AXIN1: variants seen among roughly 807,000 people sequenced by gnomAD.
AXIN1 encodes axin-1.
A neutral mutation model predicts 76.4 loss-of-function variants in AXIN1; 30 were observed. The ratio of observed to expected loss-of-function variants is 0.39; its 90% CI spans 0.29 to 0.53. The LOEUF is 0.53. AXIN1 is among the 20% of genes least tolerant of loss of function. AXIN1 has a pLI of 0.66. For missense variants in AXIN1, 1,140 were observed against 1,198.8 expected (o/e 0.95, Z 0.72); for synonymous variants, 545 against 501.4 (o/e 1.09, Z -1.16).
chr16:339,190 T>G, intron 2 of AXIN1, among the ~76,000 whole-genome samples: 1 of 104,496 alleles, frequency 9.6e-6, no homozygotes. Context: ...CCAGCCAGCC[T>G]GGTCTCAAAA....
intron 6 of AXIN1, 114 bp from the exon 7 acceptor site, chr16:297,340 G>A (rs888545980): frequency 5.2e-5 from 72 of 1,392,942 alleles, no homozygotes; most frequent in South Asian, 6.1e-5. Context: ...TGCAGCCGCC[G>A]CCCGCTGTCC....
Position 293,141 on chromosome 16 carries a change from T to C in AXIN1, c.2186+347A>G. On this transcript the variant is annotated intron_variant, in intron 8 of 10. Transcript: ENST00000262320. The surrounding 1 kb of genome is among the most constrained non-coding windows in gnomAD (Gnocchi z 4.6). ...AGGACCTCTGCCCTAAAGCCCAGGCTGCCCAGCAGCGAGCAGCCTCTGGCT... is the reference window on the plus strand; with the variant it reads ...AGGACCTCTGCCCTAAAGCCCAGGCCGCCCAGCAGCGAGCAGCCTCTGGCT... 5.1e-6 allele frequency: 2 copies of C among 388,912 alleles called. No homozygotes were observed. The highest frequency in any genetic ancestry group is 4.7e-6 in the Non-Finnish European group (1 of 210,674). The allele number at this position is 388,912 out of a possible 1,614,324, so 24.1% of individuals were successfully genotyped here.
In AXIN1 at chr16:298,375, C is replaced by A; in HGVS notation, c.1255-124G>T. On this transcript the variant is annotated intron_variant, in intron 5 of 10. Transcript: ENST00000262320. ...CGTCCCAGCCCAGGGTGGCCGGGGG[C>A]CCCTCGCCACCGGTCCTGTCCCTGA... 2.5e-6 allele frequency: 3 copies of A among 1,203,774 alleles called. 1 individual carries two copies. The highest frequency in any genetic ancestry group is 5.1e-5 in the East Asian group (2 of 39,442). 74.6% of individuals were successfully genotyped at this position (1,203,774 alleles called of 1,614,324 possible). A position where few individuals can be genotyped will look rare whatever the true frequency, so the allele number is the denominator to read the frequency against.
intron 4 of AXIN1, among the ~76,000 whole-genome samples, chr16:308,991 T>G (rs1177489965): frequency 6.6e-6 from 1 of 152,140 alleles, no homozygotes; most frequent in African/African-American, 2.4e-5. Flanking sequence ...AATGCCTACT[T>G]CCCTGCACAG....
At chr16:296,189 C>T (rs779528113) in intron 7 of AXIN1, among the ~76,000 whole-genome samples, 9 of 152,262 alleles carry the variant, frequency 5.9e-5, no homozygotes, top group African/African-American at 1.2e-4. Context: ...CAGTCAGCAC[C>T]GATGGGGACC....
rs1216224497 is a variant in AXIN1 at position 341,286 on chromosome 16, C to T, written c.878+4862G>A. 3.3e-5 allele frequency among the ~76,000 whole-genome samples: 5 copies of T among 152,380 alleles called. No homozygotes were observed. In the South Asian group the frequency reaches 8.3e-4, roughly 25 times the overall value. On this transcript the variant is annotated intron_variant, in intron 2 of 10. Transcript: ENST00000262320. ...TGGAGGGAGAGGCGCGAGCGGGAACCGCGGCTGCATGCGCTTGCAGGCCAG... is the reference window on the plus strand; with the variant it reads ...TGGAGGGAGAGGCGCGAGCGGGAACTGCGGCTGCATGCGCTTGCAGGCCAG...
chr16:314,395 G>C, intron 3 of AXIN1, 148 bp downstream of exon 3: 1 of 1,261,546 alleles, frequency 7.9e-7, no homozygotes, highest in African/African-American at 1.5e-5. Flanking sequence ...GCGCTCTGCA[G>C]CAGGGTGGGA....
At chr16:319,196 G>A (rs1017961763) in intron 2 of AXIN1, among the ~76,000 whole-genome samples, 6 of 152,132 alleles carry the variant, frequency 3.9e-5, no homozygotes, top group African/African-American at 7.2e-5. Context: ...TTTAGGGTCC[G>A]GTGTGGTGGC....
chr16:320,672 T>C (rs986001836), intron 2 of AXIN1, among the ~76,000 whole-genome samples: 9 of 149,884 alleles, frequency 6.0e-5, no homozygotes, highest in Non-Finnish European at 1.3e-4. Flanking sequence ...TATATGTAAA[T>C]GTATATATGT....
chr16:333,394 G>A lies in AXIN1; in HGVS notation c.878+12754C>T, dbSNP rs1165227109. 7.3e-5 allele frequency among the ~76,000 whole-genome samples: 11 copies of A among 150,984 alleles called. 1 individual carries two copies. The highest frequency in any genetic ancestry group is 1.3e-4 in the Admixed American group (2 of 15,170). On this transcript the variant is annotated intron_variant, in intron 2 of 10. Coordinates refer to ENST00000262320, the MANE Select transcript of AXIN1 (RefSeq NM_003502.4). ...AGTCCCAGCTACTCTGGAGGCTGAG[G>A]CAGGAGGATCGCTCAAGCCTTTTTT...
chr16:330,659 T>C (rs2053674975), intron 2 of AXIN1, among the ~76,000 whole-genome samples: 1 of 152,216 alleles, frequency 6.6e-6, no homozygotes, highest in South Asian at 2.1e-4. Flanking sequence ...CATCACATTT[T>C]TAGGTTCACA....
chr16:296,268 C>G (rs995274498), intron 7 of AXIN1, among the ~76,000 whole-genome samples: 1 of 152,268 alleles, frequency 6.6e-6, no homozygotes, highest in Admixed American at 6.5e-5. Context: ...AGCTGCCTCA[C>G]AAGTTCTCAT....
intron 2 of AXIN1, among the ~76,000 whole-genome samples, chr16:339,196 CAAA>C (rs1002630324): frequency 2.0e-4 from 7 of 34,672 alleles, no homozygotes; most frequent in Admixed American, 3.3e-4. Context: ...AGCCTGGTCT[CAAA>C]AAAAAAAAAA....
intron 2 of AXIN1, among the ~76,000 whole-genome samples, chr16:336,394 A>T (rs899969257): frequency 6.6e-6 from 1 of 152,214 alleles, no homozygotes; most frequent in African/African-American, 2.4e-5. Flanking sequence ...AAAGGCACTA[A>T]GGACCGAACC....
In AXIN1 at chr16:288,345, G is replaced by A. The variant is rs1322780971; in HGVS notation, c.2463-97C>T. 3 of 1,579,246 alleles carry A rather than the reference G, an allele frequency of 1.9e-6. No homozygotes were observed. In the South Asian group the frequency reaches 3.3e-5, roughly 18 times the overall value. ...CGGCGTGTCCACACCCCATCCCGAG[G>A]AGCCTCCTGTCCATGCCCCACGGCC... On this transcript the variant is annotated intron_variant, in intron 10 of 10. Transcript: ENST00000262320.
At chr16:288,293 G>A (rs1336091822) in intron 10 of AXIN1, 45 bp from the exon 11 acceptor site, 3 of 1,612,704 alleles carry the variant, frequency 1.9e-6, no homozygotes, top group South Asian at 1.1e-5. Flanking sequence ...CAGCACCGCA[G>A]ATGGGAAGGA....
intron 2 of AXIN1, among the ~76,000 whole-genome samples, chr16:341,045 G>A (rs1052680778): frequency 6.6e-6 from 1 of 152,258 alleles, no homozygotes; most frequent in African/African-American, 2.4e-5. Context: ...CCGAGGGCTG[G>A]CCCTCCTGGC....
intron 2 of AXIN1, among the ~76,000 whole-genome samples, chr16:336,933 A>G (rs1210224938): frequency 6.6e-6 from 1 of 151,878 alleles, no homozygotes; most frequent in African/African-American, 2.4e-5. Flanking sequence ...GTGGATCACA[A>G]CGTCAGGAGA....
chr16:296,497 G>A (rs868329301), intron 7 of AXIN1, among the ~76,000 whole-genome samples: 2 of 152,182 alleles, frequency 1.3e-5, no homozygotes, highest in African/African-American at 4.8e-5. Flanking sequence ...CCCAGGGGGC[G>A]AGCAGGAGCA....
Sources: allele counts gnomAD v4.1 joint callset (sites outside exome capture counted in the v4.1 genomes callset), GRCh38; gene constraint gnomAD v4.1.1; non-coding constraint Gnocchi (gnomAD v3.1); transcripts MANE v1.5; gene names NCBI Gene and HGNC (gene_info 2026-07-23, HGNC 2026-07-21).